Variants in HS1BP3 observed in about 807,000 individuals in gnomAD.
HS1BP3 encodes HCLS1 binding protein 3, also known as HCLS1-binding protein 3.
In HS1BP3, 32 loss-of-function variants were observed where a neutral mutation model predicts 33.5. That is an observed-to-expected ratio of 0.95 (90% CI 0.72 to 1.28). HS1BP3 has a LOEUF of 1.28. Ranked by LOEUF, HS1BP3 falls within the 50% of genes most tolerant of loss-of-function variation. The probability of loss-of-function intolerance (pLI) is 0.00; values close to 1 mark genes in which losing one functional copy is unlikely to be tolerated. For synonymous variants in HS1BP3, 187 were observed against 209.2 expected, an observed-to-expected ratio of 0.89 and a Z score of 0.92; for missense variants, 486 against 502.3, an observed-to-expected ratio of 0.97 and a Z score of 0.31.
downstream of HS1BP3, among the ~76,000 whole-genome samples, chr2:20,556,374 T>C (rs1360026815): frequency 6.6e-6 from 1 of 152,250 alleles, no homozygotes; most frequent in Non-Finnish European, 1.5e-5. Flanking sequence ...GCCCATTCTG[T>C]AAGAAGAAAA....
At chr2:20,589,675 T>G (rs747139286), downstream of HS1BP3, among the ~76,000 whole-genome samples, 2 of 152,146 alleles carry the variant, frequency 1.3e-5, no homozygotes, top group Non-Finnish European at 2.9e-5. Flanking sequence ...ACCCTGAGAT[T>G]CAGAGGATAG....
intron 4 of HS1BP3, 52 bp from the exon 5 acceptor site, chr2:20,624,944 G>T: frequency 1.2e-6 from 2 of 1,606,860 alleles, no homozygotes; most frequent in Non-Finnish European, 1.7e-6. Flanking sequence ...AAGTGTCCAG[G>T]TGGTCCGGTC....
At chr2:20,634,191 G>A (rs1165987038) in intron 4 of HS1BP3, among the ~76,000 whole-genome samples, 1 of 152,228 alleles carries the variant, frequency 6.6e-6, no homozygotes, top group African/African-American at 2.4e-5. Context: ...CCCTGTGGGC[G>A]GCAGACTGTG....
At chr2:20,559,319 C>T (rs1308281016), downstream of HS1BP3, among the ~76,000 whole-genome samples, 1 of 152,258 alleles carries the variant, frequency 6.6e-6, no homozygotes, top group South Asian at 2.1e-4. Flanking sequence ...CGATCTGACT[C>T]CCGCTGTCAC....
intron 3 of HS1BP3, among the ~76,000 whole-genome samples, chr2:20,595,714 C>A (rs975095940): frequency 1.3e-5 from 2 of 152,250 alleles, no homozygotes; most frequent in Middle Eastern, 3.2e-3. Flanking sequence ...AGACCACAGA[C>A]AACTAGCCTC....
At position 20,623,823 on chromosome 2, in the gene HS1BP3, C is replaced by T. The variant is rs765814876; in HGVS notation, c.920+73G>A. The T allele has an allele frequency of 4.7e-6, 7 of 1,485,816 alleles. No homozygotes were observed. The South Asian group carries it at 9.2e-5, about 19-fold the overall frequency. The allele number at this position is 1,485,816 out of a possible 1,614,324, so 92.0% of individuals were successfully genotyped here. ...AGAGGAGGCTGGGGCTGAGACTGGG[C>T]AATGAGCCGGGCCCTTGGCTCTGTC... On this transcript the variant is annotated intron_variant, in intron 6 of 6. Coordinates refer to ENST00000304031, the MANE Select transcript of HS1BP3 (RefSeq NM_022460.4).
chr2:20,590,223 C>T (rs75454657), downstream of HS1BP3, among the ~76,000 whole-genome samples: 400 of 152,242 alleles, frequency 2.6e-3, 13 homozygotes, highest in East Asian at 0.061. Context: ...TTTTTTGGTG[C>T]AGCCACGGCT....
chr2:20,600,107 CTG>C (rs2149282494), intron 2 of HS1BP3, among the ~76,000 whole-genome samples: 1 of 152,336 alleles, frequency 6.6e-6, no homozygotes, highest in African/African-American at 2.4e-5. Context: ...AGCCCAGCCT[CTG>C]TGCAGTCGGA....
In HS1BP3 at chr2:20,611,668, A is replaced by G. The variant is rs1572332012; in HGVS notation, c.178+12228T>C. On this transcript the variant is annotated intron_variant, in intron 2 of 3. Coordinates refer to the HS1BP3 transcript ENST00000415264. This position sits in a 1 kb window ranked among gnomAD's most constrained non-coding sequence, Gnocchi z 4.9. ...TGGTAGACCTCCATGACCCACCTGG[A>G]TCCAGTCCCCAGTCACATACCAGGG... is the stretch of plus-strand genomic sequence containing the variant. Among the ~76,000 whole-genome samples, 1 of 152,152 alleles carries G rather than the reference A, an allele frequency of 6.6e-6. No homozygotes were observed. The highest frequency in any genetic ancestry group is 3.4e-3 in the Middle Eastern group (1 of 294).
chr2:20,638,323 G>C, intron 4 of HS1BP3, 113 bp downstream of exon 4: 1 of 1,049,292 alleles, frequency 9.5e-7, no homozygotes, highest in South Asian at 1.6e-5. Flanking sequence ...AGATCCCTGC[G>C]AGGGGGCGAC....
chr2:20,579,845 C>T (rs1231657831), intron 5 of HS1BP3, among the ~76,000 whole-genome samples: 1 of 152,240 alleles, frequency 6.6e-6, no homozygotes, highest in Admixed American at 6.5e-5. Context: ...TCAAAAAAGA[C>T]AAAGCTATTG....
chr2:20,638,237 C>T, intron 4 of HS1BP3, 199 bp downstream of exon 4: 5 of 609,346 alleles, frequency 8.2e-6, no homozygotes, highest in Non-Finnish European at 1.5e-5. Flanking sequence ...TAAGCCCAGT[C>T]CCAGAGACAT....
At chr2:20,647,655 T>C (rs1695558634) in intron 1 of HS1BP3, among the ~76,000 whole-genome samples, 1 of 152,090 alleles carries the variant, frequency 6.6e-6, no homozygotes, top group South Asian at 2.1e-4. Flanking sequence ...ACCCTCCCAC[T>C]TCCCTGAACC....
chr2:20,592,134 C>T (rs920237090), downstream of HS1BP3, among the ~76,000 whole-genome samples: 1 of 54,828 alleles, frequency 1.8e-5, no homozygotes, highest in South Asian at 8.8e-4. Context: ...CCCTCTCTCA[C>T]ATACGTGCCC....
At chr2:20,568,108 G>T (rs1368507429) in intron 5 of HS1BP3, among the ~76,000 whole-genome samples, 1 of 152,144 alleles carries the variant, frequency 6.6e-6, no homozygotes, top group African/African-American at 2.4e-5. Flanking sequence ...GAACAAAAGA[G>T]AAATGAATCC....
chr2:20,585,098 C>T (rs1053894453), intron 5 of HS1BP3, among the ~76,000 whole-genome samples: 4 of 152,290 alleles, frequency 2.6e-5, no homozygotes, highest in South Asian at 2.1e-4. Flanking sequence ...CACAGCGTGG[C>T]GAGGCTGTGG....
At chr2:20,624,605 A>T (rs541258957) in intron 5 of HS1BP3, 127 bp downstream of exon 5, 9 of 861,722 alleles carry the variant, frequency 1.0e-5, no homozygotes, top group Admixed American at 2.6e-5. Context: ...AGCTGAGTCT[A>T]TATCACATCT....
downstream of HS1BP3, among the ~76,000 whole-genome samples, chr2:20,556,967 C>A (rs1417648774): frequency 2.0e-5 from 3 of 152,220 alleles, no homozygotes; most frequent in Admixed American, 6.5e-5. Context: ...GGGCACCACA[C>A]TGCGCTAATT....
chr2:20,584,054 T>C (rs1693623569), intron 5 of HS1BP3, among the ~76,000 whole-genome samples: 2 of 152,214 alleles, frequency 1.3e-5, no homozygotes, highest in Admixed American at 6.5e-5. Context: ...CCATTAGATG[T>C]GGGATTTCTT....
Sources: gnomAD v4.1 joint callset for allele counts (sites outside exome capture counted in the v4.1 genomes callset) on GRCh38, gnomAD v4.1.1 for gene constraint, Gnocchi (gnomAD v3.1) non-coding constraint, MANE v1.5 for transcripts, NCBI Gene and HGNC (gene_info 2026-07-23, HGNC 2026-07-21) for gene names.